Variants in PLD5 observed in about 807,000 individuals in gnomAD.
PLD5 encodes inactive phospholipase D5.
PLD5 carries 36 observed loss-of-function variants against 61.1 expected under a neutral mutation model. The observed-to-expected ratio is 0.59, with a 90% confidence interval of 0.45 to 0.78. PLD5 has a LOEUF of 0.78. Among genes scored for constraint, PLD5 ranks in the 30% least tolerant of loss-of-function variants. The pLI is 0.00. For missense variants in PLD5, 515 were observed against 644.4 expected, an observed-to-expected ratio of 0.80 and a Z score of 2.17; for synonymous variants, 243 against 242.8, an observed-to-expected ratio of 1.00 and a Z score of -0.01.
intron 1 of PLD5, among the ~76,000 whole-genome samples, chr1:242,419,541 G>A (rs554989321): frequency 1.4e-5 from 2 of 145,870 alleles, no homozygotes; most frequent in African/African-American, 5.1e-5. Context: ...GACTACAGGC[G>A]CACACCACTA....
intron 1 of PLD5, among the ~76,000 whole-genome samples, chr1:242,414,276 T>C (rs960542455): frequency 6.0e-5 from 9 of 151,208 alleles, no homozygotes; most frequent in African/African-American, 2.2e-4. Context: ...GCTGCAGAGA[T>C]AGAAAAAATA....
At position 242,254,651 on chromosome 1, in the gene PLD5, CAA is replaced by C. The variant is rs199981971; in HGVS notation, c.607+10684_607+10685del. Among the ~76,000 whole-genome samples the C allele has an allele frequency of 7.5e-3, 1,143 of 152,240 alleles. 12 individuals carry two copies. The highest frequency in any genetic ancestry group is 0.026 in the African/African-American group (1,068 of 41,536). Reference sequence around the variant, plus strand: ...CACCATTGCCCTCCAGCCTGGGCAACAAGAGTGAAATTCGTCTCAAACAACCA... The same window carrying C: ...CACCATTGCCCTCCAGCCTGGGCAACGAGTGAAATTCGTCTCAAACAACCA... On this transcript the variant is annotated intron_variant, in intron 4 of 9. Transcript: ENST00000536534.
At chr1:242,515,277 A>C (rs572784404) in intron 1 of PLD5, among the ~76,000 whole-genome samples, 147 of 152,168 alleles carry the variant, frequency 9.7e-4, no homozygotes, top group Non-Finnish European at 1.6e-3. Context: ...CAATGGCACA[A>C]TCTTGGCTCA....
intron 5 of PLD5, among the ~76,000 whole-genome samples, chr1:242,209,858 A>C (rs976201627): frequency 6.6e-6 from 1 of 152,128 alleles, no homozygotes; most frequent in Non-Finnish European, 1.5e-5. Context: ...GCAGTGGTGC[A>C]ATCTTGGCTC....
intron 1 of PLD5, among the ~76,000 whole-genome samples, chr1:242,438,264 ATTT>A (rs1237412199): frequency 3.6e-5 from 5 of 138,740 alleles, no homozygotes; most frequent in Non-Finnish European, 7.9e-5. Flanking sequence ...AGAAAAAAAA[ATTT>A]TTTTTTTTTT....
At chr1:242,191,715 C>T (rs764167919) in intron 5 of PLD5, among the ~76,000 whole-genome samples, 4 of 151,804 alleles carry the variant, frequency 2.6e-5, no homozygotes, top group African/African-American at 4.8e-5. Context: ...GAATGCTAGA[C>T]GTAAGAATGT....
At chr1:242,170,640 A>G (rs1666678836) in intron 5 of PLD5, among the ~76,000 whole-genome samples, 1 of 152,228 alleles carries the variant, frequency 6.6e-6, no homozygotes, top group South Asian at 2.1e-4. Context: ...ACCCAATGCA[A>G]GGAAGCTAAG....
intron 5 of PLD5, among the ~76,000 whole-genome samples, chr1:242,194,656 A>G (rs983034906): frequency 1.5e-4 from 22 of 145,308 alleles, no homozygotes; most frequent in African/African-American, 5.6e-4. Context: ...CTATCTATCT[A>G]TCTATCTATC....
At chr1:242,474,510 C>G (rs1285994655) in intron 1 of PLD5, among the ~76,000 whole-genome samples, 1 of 152,168 alleles carries the variant, frequency 6.6e-6, no homozygotes, top group Non-Finnish European at 1.5e-5. Flanking sequence ...GCTCATTATC[C>G]CTTATTTAAG....
chr1:242,474,725 A>C (rs533055730), intron 1 of PLD5, among the ~76,000 whole-genome samples: 1 of 152,016 alleles, frequency 6.6e-6, no homozygotes, highest in African/African-American at 2.4e-5. Flanking sequence ...TCTTTCATTT[A>C]TATCCATAAA....
intron 1 of PLD5, among the ~76,000 whole-genome samples, chr1:242,374,360 T>A (rs939053791): frequency 2.7e-4 from 41 of 152,210 alleles, no homozygotes; most frequent in African/African-American, 9.4e-4. Flanking sequence ...CCTCCATTGA[T>A]CGGAGAGGCT....
intron 2 of PLD5, among the ~76,000 whole-genome samples, chr1:242,298,506 T>G (rs1675847582): frequency 2.6e-5 from 4 of 152,106 alleles, no homozygotes; most frequent in African/African-American, 7.2e-5. Context: ...TTAATTCAGG[T>G]TTTTGTCTGA....
At chr1:242,282,306 A>G (rs994557092) in intron 3 of PLD5, among the ~76,000 whole-genome samples, 32 of 152,184 alleles carry the variant, frequency 2.1e-4, no homozygotes, top group African/African-American at 7.7e-4. Flanking sequence ...GAGGTTGCAC[A>G]GCTAATAAGT....
chr1:242,094,930 ATTATTTTTT>A (rs1220954264), intron 9 of PLD5, among the ~76,000 whole-genome samples: 5 of 152,016 alleles, frequency 3.3e-5, no homozygotes, highest in African/African-American at 4.8e-5. Flanking sequence ...ATATATATTT[ATTATTTTTT>A]AATATTTTAT....
At chr1:242,209,647 T>G (rs1425026269) in intron 5 of PLD5, among the ~76,000 whole-genome samples, 1 of 146,400 alleles carries the variant, frequency 6.8e-6, no homozygotes, top group Non-Finnish European at 1.5e-5. Context: ...CTGACTGCTC[T>G]GTAGACCAGC....
At chr1:242,455,919 T>G (rs1172398214) in intron 1 of PLD5, among the ~76,000 whole-genome samples, 3 of 151,890 alleles carry the variant, frequency 2.0e-5, no homozygotes, top group East Asian at 1.9e-4. Flanking sequence ...AGAGCCGGGG[T>G]GGGGACAGAA....
intron 2 of PLD5, among the ~76,000 whole-genome samples, chr1:242,291,829 C>A (rs1675386730): frequency 6.6e-6 from 1 of 151,822 alleles, no homozygotes; most frequent in Non-Finnish European, 1.5e-5. Context: ...ACAAACAAAA[C>A]AAAACCTGAC....
At chr1:242,233,698 T>A (rs1031564676) in intron 4 of PLD5, among the ~76,000 whole-genome samples, 4 of 152,140 alleles carry the variant, frequency 2.6e-5, no homozygotes, top group Non-Finnish European at 5.9e-5. Flanking sequence ...AGTAGCATAG[T>A]GCTGGCCATG....
chr1:242,351,403 G>A (rs1660469473), intron 1 of PLD5, among the ~76,000 whole-genome samples: 1 of 152,172 alleles, frequency 6.6e-6, no homozygotes, highest in African/African-American at 2.4e-5. Context: ...ATGTGTCATG[G>A]AAGGGACGAG....
Sources: gnomAD v4.1 joint callset for allele counts (sites outside exome capture counted in the v4.1 genomes callset) on GRCh38, gnomAD v4.1.1 for gene constraint, MANE v1.5 for transcripts, NCBI Gene and HGNC (gene_info 2026-07-23, HGNC 2026-07-21) for gene names.